Variants in COBLL1 observed in about 807,000 individuals in gnomAD.
The protein encoded by COBLL1 is cordon-bleu protein-like 1.
A neutral mutation model predicts 94.8 loss-of-function variants in COBLL1; 50 were observed. The observed-to-expected ratio is 0.53, with a 90% confidence interval of 0.42 to 0.67. The LOEUF (loss-of-function observed/expected upper bound fraction) is 0.67, where lower values mean the gene tolerates loss of function less well. COBLL1 is among the 30% of genes least tolerant of loss of function. The pLI is 0.00. For synonymous variants in COBLL1, 448 were observed against 473.8 expected, an observed-to-expected ratio of 0.95 and a Z score of 0.71; for missense variants, 1,362 against 1,348.7, an observed-to-expected ratio of 1.01 and a Z score of -0.15.
chr2:164,730,906 C>G (rs932165508), intron 3 of COBLL1, among the ~76,000 whole-genome samples: 1 of 152,140 alleles, frequency 6.6e-6, no homozygotes, highest in Non-Finnish European at 1.5e-5. Context: ...AGTACAAATT[C>G]TTTAATCATC....
intron 3 of COBLL1, among the ~76,000 whole-genome samples, chr2:164,737,434 C>G (rs932017070): frequency 6.6e-6 from 1 of 151,938 alleles, no homozygotes; most frequent in Non-Finnish European, 1.5e-5. Context: ...CAAATAGTAC[C>G]GATTAAAAAC....
chr2:164,710,566 CTT>C (rs11307875), intron 7 of COBLL1, among the ~76,000 whole-genome samples: 228 of 142,144 alleles, frequency 1.6e-3, no homozygotes, highest in Non-Finnish European at 1.3e-3. Context: ...CAGCAGCATT[CTT>C]TTTTTTTTTT....
chr2:164,715,995 A>T (rs1249242551), intron 7 of COBLL1, among the ~76,000 whole-genome samples: 1 of 152,220 alleles, frequency 6.6e-6, no homozygotes, highest in African/African-American at 2.4e-5. Flanking sequence ...TCTATGGGTC[A>T]AGATTACCAA....
intron 7 of COBLL1, among the ~76,000 whole-genome samples, chr2:164,709,926 G>T (rs1008634053): frequency 6.6e-6 from 1 of 152,016 alleles, no homozygotes; most frequent in African/African-American, 2.4e-5. Flanking sequence ...GAAGAAATAA[G>T]AATAGTGAGT....
chr2:164,822,726 ATTATATTATATTATTATTATTATTAT>A (rs1394212953), intron 2 of COBLL1, among the ~76,000 whole-genome samples: 1 of 74,556 alleles, frequency 1.3e-5, no homozygotes, highest in African/African-American at 6.1e-5. Context: ...CTCTGAAAAG[ATTATATTATATTATTATTATTATTAT>A]TATTATTATT....
chr2:164,838,411 A>C (rs1292299670), intron 2 of COBLL1, among the ~76,000 whole-genome samples: 2 of 152,252 alleles, frequency 1.3e-5, no homozygotes, highest in Admixed American at 6.5e-5. Context: ...GAATTAATAA[A>C]AGTGAAGATA....
chr2:164,683,515 T>C lies in COBLL1; in HGVS notation c.*2431A>G, dbSNP rs1683138679. The C allele has an allele frequency of 6.6e-6, 1 of 152,138 alleles. No homozygotes were observed. Among genetic ancestry groups the C allele is most frequent in the African/African-American group, 2.4e-5 (1 of 41,454 alleles). The allele number at this position is 152,138 out of a possible 1,614,324, so 9.4% of individuals were successfully genotyped here. On this transcript the variant is annotated 3_prime_UTR_variant, in exon 14 of 14. Coordinates refer to ENST00000652658, the MANE Select transcript of COBLL1 (RefSeq NM_001365672.2). ...TTAAAACATTATTTTATTATAATTA[T>C]AAACTACAAGTATACTAGAATTTAG... is the stretch of plus-strand genomic sequence containing the variant.
chr2:164,806,504 TAAACTC>T (rs1383314135), intron 2 of COBLL1, among the ~76,000 whole-genome samples: 1 of 152,148 alleles, frequency 6.6e-6, no homozygotes, highest in Non-Finnish European at 1.5e-5. Context: ...CTATGTAAAA[TAAACTC>T]AAGCTTCCTG....
chr2:164,808,912 C>A lies in COBLL1; in HGVS notation c.41+32244G>T, dbSNP rs566942494. Among the ~76,000 whole-genome samples, 13 of 152,126 alleles carry A rather than the reference C, an allele frequency of 8.5e-5. No individual in the cohort carries two copies. The South Asian group carries it at 2.7e-3, about 32-fold the overall frequency. Reference sequence around the variant, plus strand: ...CTCACATATTCTTAAAAAGTAAGAACAATGTTTCTTTTTATAGCCAAACAA... The same window carrying A: ...CTCACATATTCTTAAAAAGTAAGAAAAATGTTTCTTTTTATAGCCAAACAA... On this transcript the variant is annotated intron_variant, in intron 2 of 13. Coordinates refer to ENST00000652658, the MANE Select transcript of COBLL1 (RefSeq NM_001365672.2).
rs377478280 is a variant in COBLL1 at position 164,756,612 on chromosome 2, G to T, written c.42-12737C>A. 5.3e-5 allele frequency among the ~76,000 whole-genome samples: 8 copies of T among 152,130 alleles called. No individual in the cohort carries two copies. The South Asian group carries it at 1.0e-3, about 20-fold the overall frequency. ...TTTAAAATAAGTGCTTTAGATAATC[G>T]TTGTATAACTTGGCCTTCACTGTTT... is the stretch of plus-strand genomic sequence containing the variant. On this transcript the variant is annotated intron_variant, in intron 2 of 13. Coordinates refer to ENST00000652658, the MANE Select transcript of COBLL1 (RefSeq NM_001365672.2).
downstream of COBLL1, among the ~76,000 whole-genome samples, chr2:164,675,766 C>T (rs1439811506): frequency 6.6e-6 from 1 of 152,120 alleles, no homozygotes; most frequent in Non-Finnish European, 1.5e-5. Flanking sequence ...TTCTTTTCTT[C>T]CACAATGACA....
At chr2:164,831,297 G>A (rs1281307490) in intron 2 of COBLL1, among the ~76,000 whole-genome samples, 5 of 151,650 alleles carry the variant, frequency 3.3e-5, no homozygotes, top group Non-Finnish European at 7.4e-5. Flanking sequence ...ACTTCAGCCT[G>A]GGCAACAGAG....
At chr2:164,687,493 T>C in intron 13 of COBLL1, 1 of 1,458,308 alleles carries the variant, frequency 6.9e-7, no homozygotes, top group South Asian at 1.1e-5. Flanking sequence ...ATGCTCCTTG[T>C]TCTGCAGCTT....
intron 13 of COBLL1, among the ~76,000 whole-genome samples, chr2:164,690,247 T>G (rs1360374720): frequency 6.6e-6 from 1 of 152,170 alleles, no homozygotes; most frequent in Non-Finnish European, 1.5e-5. Flanking sequence ...CTAGATACTA[T>G]GTCCATTTTT....
intron 2 of COBLL1, among the ~76,000 whole-genome samples, chr2:164,814,365 TA>T (rs1249944197): frequency 6.6e-6 from 1 of 152,166 alleles, no homozygotes; most frequent in African/African-American, 2.4e-5. Flanking sequence ...TTATTACTTT[TA>T]TTCTTATATA....
intron 1 of COBLL1, among the ~76,000 whole-genome samples, chr2:164,667,005 T>A (rs1259641039): frequency 6.6e-6 from 1 of 152,130 alleles, no homozygotes; most frequent in Non-Finnish European, 1.5e-5. Context: ...TTCCAGAAAG[T>A]TTTTACTTTC....
chr2:164,705,731 A>G (rs892053194), intron 7 of COBLL1, among the ~76,000 whole-genome samples: 1 of 152,126 alleles, frequency 6.6e-6, no homozygotes, highest in African/African-American at 2.4e-5. Flanking sequence ...ATAAATAACT[A>G]TTTAAAAGAG....
At position 164,699,377 on chromosome 2, in the gene COBLL1, G is replaced by A. The variant is rs1388157038; in HGVS notation, c.1555+28C>T. On this transcript the variant is annotated intron_variant, in intron 11 of 13. Transcript: ENST00000652658. ...CTTGGCACATAATAAAAGTAAGAAA[G>A]TGTTGGCTATTAATTTATATAACTC... 5.1e-6 allele frequency: 7 copies of A among 1,364,232 alleles called. No homozygotes were observed. In the Admixed American group the frequency reaches 1.2e-4, roughly 23 times the overall value. The allele number at this position is 1,364,232 out of a possible 1,614,324, so 84.5% of individuals were successfully genotyped here.
At chr2:164,794,478 TAAG>T (rs1683339501) in intron 2 of COBLL1, among the ~76,000 whole-genome samples, 1 of 151,322 alleles carries the variant, frequency 6.6e-6, no homozygotes, top group African/African-American at 2.4e-5. Flanking sequence ...CAGGATGGAG[TAAG>T]GAGGGTAGGG....
Sources: gnomAD v4.1 joint callset for allele counts (sites outside exome capture counted in the v4.1 genomes callset) on GRCh38, gnomAD v4.1.1 for gene constraint, MANE v1.5 for transcripts, NCBI Gene and HGNC (gene_info 2026-07-23, HGNC 2026-07-21) for gene names.